The following PHACTR2 variants were observed in gnomAD, a reference collection of about 807,000 sequenced individuals.
The protein encoded by PHACTR2 is chromosome 6 open reading frame 56.
Under a neutral mutation model 76.0 loss-of-function variants are expected in PHACTR2, and 30 were observed. The ratio of observed to expected loss-of-function variants is 0.39; its 90% confidence interval spans 0.30 to 0.54. The LOEUF is 0.54. Among genes scored for constraint, PHACTR2 ranks in the 20% least tolerant of loss-of-function variants. The pLI, the probability that PHACTR2 is intolerant of heterozygous loss-of-function variation, is 0.61. For synonymous variants in PHACTR2, 292 were observed against 292.5 expected (o/e 1.00, Z 0.02); for missense variants, 696 against 781.1 (o/e 0.89, Z 1.30).
chr6:143,686,027 G>GAGGC (rs920303720), intron 1 of PHACTR2, among the ~76,000 whole-genome samples: 20 of 151,898 alleles, frequency 1.3e-4, no homozygotes, highest in African/African-American at 4.8e-4. Context: ...AGCTACTTGA[G>GAGGC]AGGCTGAGAC....
Position 143,733,070 on chromosome 6 carries a change from A to T in PHACTR2, c.215-15915A>T, listed in dbSNP as rs978159544. ...ACACCCAACTTAATTTTAAAAAAAA[A>T]TTTTTTTTCATAGAGATGGAGGCTT... On this transcript the variant is annotated intron_variant, in intron 2 of 12. Transcript: ENST00000440869. This position sits in a 1 kb window ranked among gnomAD's most constrained non-coding sequence, Gnocchi z 4.0. Among the ~76,000 whole-genome samples, 13 of 151,750 alleles carry T rather than the reference A, an allele frequency of 8.6e-5. No homozygotes were observed. The highest frequency in any genetic ancestry group is 4.6e-4 in the Admixed American group (7 of 15,210).
rs1296008623 is a variant in PHACTR2 at position 143,801,670 on chromosome 6, T to G, written c.1846-5387T>G. ...TGCTCCTTTAGCTCGGAGAAGTTTG[T>G]TATTACTGACCTTCTGAAGCCTACT... On this transcript the variant is annotated intron_variant, in intron 11 of 12. Transcript: ENST00000440869. The surrounding 1 kb of genome is among the most constrained non-coding windows in gnomAD (Gnocchi z 4.6). Among the ~76,000 whole-genome samples, 1 of 152,168 alleles carries G rather than the reference T, an allele frequency of 6.6e-6. No individual in the cohort carries two copies. Among genetic ancestry groups the G allele is most frequent in the East Asian group, 1.9e-4 (1 of 5,194 alleles).
At chr6:143,545,407 C>G (rs1774968624) in intron 1 of PHACTR2, among the ~76,000 whole-genome samples, 1 of 152,198 alleles carries the variant, frequency 6.6e-6, no homozygotes, top group South Asian at 2.1e-4. Flanking sequence ...GCCACGGGGA[C>G]TCTGCAGCCT....
intron 5 of PHACTR2, among the ~76,000 whole-genome samples, chr6:143,763,491 A>G (rs1779485489): frequency 6.6e-6 from 1 of 152,248 alleles, no homozygotes; most frequent in Non-Finnish European, 1.5e-5. Context: ...TTGTTGTGAA[A>G]AGTAAATGTA....
chr6:143,593,066 A>AAAAAG (rs1383197061), intron 1 of PHACTR2, among the ~76,000 whole-genome samples: 1 of 151,438 alleles, frequency 6.6e-6, no homozygotes, highest in East Asian at 1.9e-4. Flanking sequence ...AAAAAAAAAA[A>AAAAAG]AAAAGGAACC....
At chr6:143,744,994 GC>G (rs1449369518) in intron 2 of PHACTR2, among the ~76,000 whole-genome samples, 1 of 152,194 alleles carries the variant, frequency 6.6e-6, no homozygotes, top group African/African-American at 2.4e-5. Flanking sequence ...AAAGTGAGAG[GC>G]CATGAGTCAT....
In PHACTR2 at chr6:143,556,581, G is replaced by T. The variant is rs1164069498; in HGVS notation, c.217+19374G>T. ...GTTGACTAGCTCCTCTGCAGTGACAGCATTCAAAAAATCAATCTAAACGCA... is the reference window on the plus strand; with the variant it reads ...GTTGACTAGCTCCTCTGCAGTGACATCATTCAAAAAATCAATCTAAACGCA... On this transcript the variant is annotated intron_variant, in intron 1 of 11. Coordinates refer to the PHACTR2 transcript ENST00000367584. The surrounding 1 kb of genome is among the most constrained non-coding windows in gnomAD (Gnocchi z 4.3). 6.6e-6 allele frequency among the ~76,000 whole-genome samples: 1 copy of T among 152,226 alleles called. No individual in the cohort carries two copies. Among genetic ancestry groups the T allele is most frequent in the Non-Finnish European group, 1.5e-5 (1 of 68,048 alleles).
At chr6:143,686,005 G>A (rs572283946) in intron 1 of PHACTR2, among the ~76,000 whole-genome samples, 291 of 151,938 alleles carry the variant, frequency 1.9e-3, no homozygotes, top group Non-Finnish European at 2.0e-3. Flanking sequence ...GGTGGCGGGC[G>A]CCCGTAATCT....
In PHACTR2 at chr6:143,567,616, C is replaced by T. The variant is rs185102579; in HGVS notation, c.217+30409C>T. On this transcript the variant is annotated intron_variant, in intron 1 of 11. Coordinates refer to the PHACTR2 transcript ENST00000367584. ...GTTTCACCATATTGGTCAGGCTGGT[C>T]TCGATCTCCTGACCTCAGGTGATCC... 5.3e-5 allele frequency among the ~76,000 whole-genome samples: 8 copies of T among 152,334 alleles called. No homozygotes were observed. The East Asian group carries it at 1.3e-3, about 26-fold the overall frequency.
intron 1 of PHACTR2, among the ~76,000 whole-genome samples, chr6:143,538,167 T>C (rs9399445): frequency 0.54 from 81,412 of 152,096 alleles, 23,055 homozygotes; most frequent in African/African-American, 0.72. Flanking sequence ...GCCCATGTGT[T>C]CTCAGAGGCT....
intron 11 of PHACTR2, among the ~76,000 whole-genome samples, chr6:143,790,710 G>T (rs1258696645): frequency 7.0e-6 from 1 of 142,766 alleles, no homozygotes; most frequent in African/African-American, 2.6e-5. Flanking sequence ...GTCTCACTCT[G>T]TCACCCAGGC....
chr6:143,798,375 T>C (rs1376427418), intron 11 of PHACTR2, among the ~76,000 whole-genome samples: 2 of 152,224 alleles, frequency 1.3e-5, no homozygotes, highest in African/African-American at 2.4e-5. Context: ...CTCTTCCTAT[T>C]TGAATACCTT....
At chr6:143,724,853 G>A (rs1029645472) in intron 2 of PHACTR2, among the ~76,000 whole-genome samples, 1 of 152,216 alleles carries the variant, frequency 6.6e-6, no homozygotes, top group Non-Finnish European at 1.5e-5. Context: ...ATGGGCCAAT[G>A]AGCCTATAGT....
intron 11 of PHACTR2, among the ~76,000 whole-genome samples, chr6:143,797,696 G>A (rs544190849): frequency 1.3e-5 from 2 of 152,170 alleles, no homozygotes; most frequent in Admixed American, 6.5e-5. Flanking sequence ...GTATGTGTCA[G>A]GTTTGTCAAA....
chr6:143,715,700 T>C (rs1204591740), intron 2 of PHACTR2, among the ~76,000 whole-genome samples: 1 of 152,168 alleles, frequency 6.6e-6, no homozygotes, highest in Non-Finnish European at 1.5e-5. Context: ...GGAAAAGTAC[T>C]ATCTATAAAT....
Position 143,765,503 on chromosome 6 carries a change from A to G in PHACTR2, c.937A>G (p.Ser313Gly). ...AGAGCCTGCAGAGACCAGAGTGGAGAGTTTCAAACTCGAACAGACTGTCCC... is the reference window on the plus strand; with the variant it reads ...AGAGCCTGCAGAGACCAGAGTGGAGGGTTTCAAACTCGAACAGACTGTCCC... ...KGEPAETRVESFKLEQTVPGA... is the reference protein window; with the variant it reads ...KGEPAETRVEGFKLEQTVPGA... Residue 313 changes from serine to glycine, a missense_variant, in exon 6 of 13, where the codon AGT becomes GGT. Ser to Gly is a moderately conservative substitution (Grantham distance 56, BLOSUM62 0). This residue lies in a region of PHACTR2 where 460 missense variants were observed against 450.9 expected (regional missense o/e 1.02). Transcript: ENST00000440869. This position sits in a 1 kb window ranked among gnomAD's most constrained non-coding sequence, Gnocchi z 4.1. 1 of 1,614,178 alleles carries G rather than the reference A, an allele frequency of 6.2e-7. No homozygotes were observed. Among genetic ancestry groups the G allele is most frequent in the East Asian group, 2.2e-5 (1 of 44,874 alleles).
rs985276523 is a variant in PHACTR2, at chr6:143,618,109, A to G, written c.13+9787A>G. On this transcript the variant is annotated intron_variant, in intron 1 of 11. Coordinates refer to the PHACTR2 transcript ENST00000305766. The surrounding 1 kb of genome is among the most constrained non-coding windows in gnomAD (Gnocchi z 5.2). ...ATAGCACTGCTATGATTTAATCATC[A>G]CTAACTGTATCTGTACCAAGAGGCT... is the stretch of plus-strand genomic sequence containing the variant. 6.6e-6 allele frequency among the ~76,000 whole-genome samples: 1 copy of G among 152,190 alleles called. No homozygotes were observed. The highest frequency in any genetic ancestry group is 1.5e-5 in the Non-Finnish European group (1 of 68,034).
At chr6:143,723,535 A>T (rs1250631334) in intron 2 of PHACTR2, among the ~76,000 whole-genome samples, 1 of 152,182 alleles carries the variant, frequency 6.6e-6, no homozygotes, top group African/African-American at 2.4e-5. Context: ...GCTGGGTCTC[A>T]TGAATCCTCC....
In PHACTR2 at chr6:143,611,997, A is replaced by T. The variant is rs1423646826; in HGVS notation, c.13+3675A>T. On this transcript the variant is annotated intron_variant, in intron 1 of 11. Transcript: ENST00000305766. The surrounding 1 kb of genome is among the most constrained non-coding windows in gnomAD (Gnocchi z 4.4). ...CAGTAGTCCTGCACTACTGAACACA[A>T]GATGAGTTTTCAGAGAAAGACAGTG... Among the ~76,000 whole-genome samples the T allele has an allele frequency of 6.6e-6, 1 of 152,208 alleles. No homozygotes were observed. Among genetic ancestry groups the T allele is most frequent in the African/African-American group, 2.4e-5 (1 of 41,448 alleles).
Sources: allele counts gnomAD v4.1 joint callset (sites outside exome capture counted in the v4.1 genomes callset), GRCh38; gene constraint gnomAD v4.1.1; regional missense constraint gnomAD v4.1.1; non-coding constraint Gnocchi (gnomAD v3.1); transcripts MANE v1.5; gene names NCBI Gene and HGNC (gene_info 2026-07-23, HGNC 2026-07-21).